C12orf50: variants seen among roughly 807,000 people sequenced by gnomAD.
The protein encoded by C12orf50 is zinc finger CCCH-type containing 11D, also known as uncharacterized protein C12orf50.
Under a neutral mutation model 61.6 loss-of-function variants are expected in C12orf50, and 35 were observed. That is an observed-to-expected ratio of 0.57 (90% CI 0.43 to 0.75). C12orf50 has a LOEUF of 0.75. C12orf50 is among the 30% of genes least tolerant of loss of function. The probability of loss-of-function intolerance (pLI) is 0.00; values close to 1 mark genes in which losing one functional copy is unlikely to be tolerated. For synonymous variants in C12orf50, 178 were observed against 161.5 expected (o/e 1.10, Z -0.77); for missense variants, 475 against 488.5 (o/e 0.97, Z 0.26).
chr12:87,989,426 G>C (rs181686400), intron 7 of C12orf50, 55 bp from the exon 8 acceptor site: 1 of 1,272,068 alleles, frequency 7.9e-7, no homozygotes, highest in East Asian at 2.3e-5. Flanking sequence ...ATACAAACTA[G>C]CTTTCAATAC....
intron 3 of C12orf50, among the ~76,000 whole-genome samples, chr12:88,023,397 G>A (rs2032589453): frequency 6.6e-6 from 1 of 151,914 alleles, no homozygotes; most frequent in African/African-American, 2.4e-5. Flanking sequence ...CAGGCACGGT[G>A]GCTCATGCCT....
At chr12:88,010,136 T>C (rs1290608508) in intron 3 of C12orf50, among the ~76,000 whole-genome samples, 1 of 152,068 alleles carries the variant, frequency 6.6e-6, no homozygotes, top group African/African-American at 2.4e-5. Flanking sequence ...TGTCCATCTA[T>C]GGAAAGGTCT....
chr12:88,008,987 A>G (rs2031996009), intron 3 of C12orf50, among the ~76,000 whole-genome samples: 1 of 152,036 alleles, frequency 6.6e-6, no homozygotes, highest in South Asian at 2.1e-4. Context: ...TGTTTCTCCT[A>G]TTTTCATCAC....
At chr12:88,021,609 G>A (rs919025177) in intron 3 of C12orf50, among the ~76,000 whole-genome samples, 1 of 151,926 alleles carries the variant, frequency 6.6e-6, no homozygotes, top group South Asian at 2.1e-4. Flanking sequence ...CTGCATTCCA[G>A]TCTGGGTGAC....
intron 9 of C12orf50, 30 bp downstream of exon 9, chr12:87,987,820 G>T (rs2030904022): frequency 7.2e-7 from 1 of 1,392,974 alleles, no homozygotes; most frequent in African/African-American, 1.4e-5. Context: ...ATATATCTGA[G>T]GCCAAAAAGT....
chr12:88,024,416 G>A (rs971843050), intron 3 of C12orf50, among the ~76,000 whole-genome samples: 3 of 152,182 alleles, frequency 2.0e-5, no homozygotes, highest in Middle Eastern at 3.4e-3. Flanking sequence ...AGGAAAATGT[G>A]GTATATATAT....
intron 3 of C12orf50, among the ~76,000 whole-genome samples, chr12:88,012,419 C>T (rs1032483443): frequency 7.9e-5 from 12 of 152,156 alleles, no homozygotes; most frequent in African/African-American, 2.9e-4. Context: ...TATAACTAAA[C>T]AAATTGTTTT....
intron 3 of C12orf50, among the ~76,000 whole-genome samples, chr12:88,024,041 A>C (rs1313749877): frequency 6.6e-6 from 1 of 152,188 alleles, no homozygotes; most frequent in Non-Finnish European, 1.5e-5. Flanking sequence ...CAACATCACT[A>C]ATCATCACAG....
At chr12:88,025,120 T>C (rs1208196113) in intron 3 of C12orf50, among the ~76,000 whole-genome samples, 1 of 152,170 alleles carries the variant, frequency 6.6e-6, no homozygotes, top group African/African-American at 2.4e-5. Flanking sequence ...AATAAATACA[T>C]GTTTGTATAC....
intron 3 of C12orf50, among the ~76,000 whole-genome samples, chr12:88,002,906 A>G (rs2031709565): frequency 1.3e-5 from 2 of 151,778 alleles, no homozygotes; most frequent in African/African-American, 4.8e-5. Flanking sequence ...TCACTTTTAT[A>G]CTAATTTAAC....
At chr12:87,992,719 G>A (rs750371019) in intron 7 of C12orf50, among the ~76,000 whole-genome samples, 5 of 152,104 alleles carry the variant, frequency 3.3e-5, no homozygotes, top group Non-Finnish European at 7.4e-5. Flanking sequence ...GACTTGGAGA[G>A]AAAGAGCCAT....
At chr12:87,982,604 C>T (rs2030546926) in intron 12 of C12orf50, among the ~76,000 whole-genome samples, 1 of 152,054 alleles carries the variant, frequency 6.6e-6, no homozygotes, top group Admixed American at 6.6e-5. Context: ...GAGGAGGTTC[C>T]AAGGAACCCC....
intron 3 of C12orf50, among the ~76,000 whole-genome samples, chr12:88,003,364 T>G (rs2031728414): frequency 6.6e-6 from 1 of 152,026 alleles, no homozygotes; most frequent in Non-Finnish European, 1.5e-5. Flanking sequence ...TATGCCCTTA[T>G]GATAGTTTTA....
At chr12:88,026,652 T>C (rs748738610) in intron 2 of C12orf50, 44 bp from the exon 3 acceptor site, 14 of 1,601,556 alleles carry the variant, frequency 8.7e-6, no homozygotes, top group Admixed American at 1.7e-5. Flanking sequence ...TTAGATGCCA[T>C]ATTTACAACA....
intron 11 of C12orf50, 62 bp from the exon 12 acceptor site, chr12:87,983,257 T>C: frequency 8.9e-7 from 1 of 1,125,948 alleles, no homozygotes; most frequent in Non-Finnish European, 1.3e-6. Flanking sequence ...CCAAGGGTGT[T>C]TCAAAGTTAT....
At chr12:87,983,005 T>G in intron 12 of C12orf50, 98 bp downstream of exon 12, 1 of 636,622 alleles carries the variant, frequency 1.6e-6, no homozygotes, top group East Asian at 2.9e-5. Flanking sequence ...TCTTGAAATT[T>G]TTATTTATCT....
intron 3 of C12orf50, among the ~76,000 whole-genome samples, chr12:88,011,613 C>T (rs2032112951): frequency 6.6e-6 from 1 of 152,150 alleles, no homozygotes; most frequent in African/African-American, 2.4e-5. Context: ...TTAAGTTGCC[C>T]ATGTTTACAG....
At chr12:88,015,472 C>T (rs1234985425) in intron 3 of C12orf50, among the ~76,000 whole-genome samples, 1 of 152,182 alleles carries the variant, frequency 6.6e-6, no homozygotes, top group African/African-American at 2.4e-5. Flanking sequence ...TTCAATTGTT[C>T]ATTACAGAAT....
At chr12:87,997,571 C>T (rs111402319) in intron 4 of C12orf50, among the ~76,000 whole-genome samples, 48 of 152,250 alleles carry the variant, frequency 3.2e-4, no homozygotes, top group South Asian at 1.0e-3. Context: ...TGGCCCTCCA[C>T]CCCACAACAG....
Sources: allele counts gnomAD v4.1 joint callset (sites outside exome capture counted in the v4.1 genomes callset), GRCh38; gene constraint gnomAD v4.1.1; transcripts MANE v1.5; gene names NCBI Gene and HGNC (gene_info 2026-07-23, HGNC 2026-07-21).